Variants in COBL observed in about 807,000 individuals in gnomAD.
COBL encodes cordon-bleu WH2 repeat protein, also known as protein cordon-bleu.
A neutral mutation model predicts 98.8 loss-of-function variants in COBL; 51 were observed. The ratio of observed to expected loss-of-function variants is 0.52; its 90% CI spans 0.41 to 0.65. The LOEUF (loss-of-function observed/expected upper bound fraction) is 0.65. COBL is among the 30% of genes least tolerant of loss of function. The probability of loss-of-function intolerance (pLI) is 0.00; values close to 1 mark genes in which losing one functional copy is unlikely to be tolerated. For missense variants in COBL, 1,617 were observed against 1,617.5 expected (o/e 1.00, Z 0.01); for synonymous variants, 634 against 651.7 (o/e 0.97, Z 0.41).
intron 1 of COBL, among the ~76,000 whole-genome samples, chr7:51,298,534 G>A (rs1801624315): frequency 6.6e-6 from 1 of 152,192 alleles, no homozygotes; most frequent in South Asian, 2.1e-4. Flanking sequence ...CCCCACCCCA[G>A]CAACAAAGCA....
At chr7:51,235,418 C>T (rs1047752709) in intron 1 of COBL, among the ~76,000 whole-genome samples, 1 of 152,192 alleles carries the variant, frequency 6.6e-6, no homozygotes, top group Admixed American at 6.5e-5. Context: ...CCCTGCATCT[C>T]TTCCTACGTC....
At chr7:51,272,614 C>G (rs187958000) in intron 1 of COBL, among the ~76,000 whole-genome samples, 1 of 152,276 alleles carries the variant, frequency 6.6e-6, no homozygotes, top group East Asian at 1.9e-4. Flanking sequence ...CATGGCTCTT[C>G]AAGTTCCAAT....
chr7:51,064,237 A>G (rs1791668947), intron 7 of COBL, among the ~76,000 whole-genome samples: 1 of 151,786 alleles, frequency 6.6e-6, no homozygotes, highest in South Asian at 2.1e-4. Context: ...AAGTGAGCTG[A>G]CACAACCCCT....
At chr7:51,237,127 A>C (rs1241928368) in intron 1 of COBL, among the ~76,000 whole-genome samples, 5 of 152,236 alleles carry the variant, frequency 3.3e-5, no homozygotes, top group Admixed American at 2.6e-4. Context: ...GGCCCAAGGA[A>C]GTCCTCAATG....
intron 1 of COBL, among the ~76,000 whole-genome samples, chr7:51,306,028 G>A (rs1361105313): frequency 6.6e-6 from 1 of 152,042 alleles, no homozygotes; most frequent in East Asian, 1.9e-4. Flanking sequence ...AGAGCAGCAA[G>A]ACTCTGTCTT....
At chr7:51,109,870 T>C (rs758622153) in intron 6 of COBL, among the ~76,000 whole-genome samples, 1 of 152,102 alleles carries the variant, frequency 6.6e-6, no homozygotes, top group Non-Finnish European at 1.5e-5. Flanking sequence ...TGGCTGAGGA[T>C]GGAGCGCTGA....
At position 51,293,606 on chromosome 7, in the gene COBL, G is replaced by GT. The variant is rs927163788; in HGVS notation, c.41+22986dup. Among the ~76,000 whole-genome samples, 13 of 152,302 alleles carry GT rather than the reference G, an allele frequency of 8.5e-5. No individual in the cohort carries two copies. The East Asian group carries it at 2.5e-3, about 29-fold the overall frequency. On this transcript the variant is annotated intron_variant, in intron 1 of 12. Coordinates refer to ENST00000265136, the MANE Select transcript of COBL (RefSeq NM_015198.5). ...GAAAAACTTCTGTATCTCAACTGTG[G>GT]TAACAGTTTCAAGGGTGTCACACAC...
chr7:51,218,467 C>T (rs1793306326), intron 2 of COBL, among the ~76,000 whole-genome samples: 1 of 152,162 alleles, frequency 6.6e-6, no homozygotes, highest in Admixed American at 6.5e-5. Flanking sequence ...AAGAATAAAA[C>T]ATTTTATATC....
intron 1 of COBL, among the ~76,000 whole-genome samples, chr7:51,221,321 A>C (rs1352040724): frequency 1.3e-5 from 2 of 152,186 alleles, no homozygotes; most frequent in Admixed American, 1.3e-4. Context: ...CCTTTCCTAG[A>C]AATTTACTCT....
intron 1 of COBL, among the ~76,000 whole-genome samples, chr7:51,226,910 T>A (rs1373411522): frequency 1.3e-5 from 2 of 152,134 alleles, no homozygotes; most frequent in African/African-American, 2.4e-5. Flanking sequence ...GGTGGCTGAG[T>A]ATCCAACCAG....
Position 51,156,192 on chromosome 7 carries a change from G to GCACACA in COBL, c.784-19867_784-19862dup, listed in dbSNP as rs146159564. The GCACACA allele has an allele frequency of 6.0e-5, 57 of 944,196 alleles. No homozygotes were observed. In the South Asian group the frequency reaches 9.8e-4, roughly 16 times the overall value. 58.5% of individuals were successfully genotyped at this position (944,196 alleles called of 1,614,324 possible). A position where few individuals can be genotyped will look rare whatever the true frequency, so the allele number is the denominator to read the frequency against. On this transcript the variant is annotated intron_variant, in intron 5 of 12. Transcript: ENST00000265136. The stretch of plus-strand genomic sequence containing the variant: ...TTTTGTAGTTCAACCAAAATACTCT[G>GCACACA]CACACACACACACACACACAAAATT...
At chr7:51,026,687 A>C (rs1250015755) in intron 10 of COBL, 22 bp from the exon 11 acceptor site, 6 of 1,607,016 alleles carry the variant, frequency 3.7e-6, no homozygotes, top group Non-Finnish European at 5.1e-6. Flanking sequence ...ACAGTGTCAC[A>C]CATTTCACTG....
chr7:51,209,195 A>G (rs1277701016), intron 2 of COBL, among the ~76,000 whole-genome samples: 1 of 152,166 alleles, frequency 6.6e-6, no homozygotes, highest in Non-Finnish European at 1.5e-5. Context: ...CAATCCTACA[A>G]GAATCCCTAA....
chr7:51,073,372 C>A (rs757874175), intron 7 of COBL: 8 of 694,414 alleles, frequency 1.2e-5, no homozygotes, highest in African/African-American at 3.5e-5. Context: ...TAGGGAATGA[C>A]GCACAGCAAT....
chr7:51,043,207 C>T (rs1326324132), intron 8 of COBL, among the ~76,000 whole-genome samples, 176 bp downstream of exon 8: 2 of 152,206 alleles, frequency 1.3e-5, no homozygotes, highest in Non-Finnish European at 1.5e-5. Context: ...TAAGTTACTG[C>T]AGATGTATAG....
At chr7:51,086,607 A>AGGGGGAGAGAGACAATGAGAGG (rs1794277019) in intron 6 of COBL, among the ~76,000 whole-genome samples, 1 of 146,338 alleles carries the variant, frequency 6.8e-6, no homozygotes, top group East Asian at 2.0e-4. Flanking sequence ...GGAGAGAGAA[A>AGGGGGAGAGAGACAATGAGAGG]GGGGGAGAGA....
chr7:51,112,684 A>G (rs1796944751), intron 6 of COBL, among the ~76,000 whole-genome samples: 1 of 152,210 alleles, frequency 6.6e-6, no homozygotes, highest in African/African-American at 2.4e-5. Context: ...AAGTAAAACT[A>G]GTCTGGCCTT....
chr7:51,033,168 G>A (rs1351675234), intron 8 of COBL: 1 of 152,170 alleles, frequency 6.6e-6, no homozygotes, highest in East Asian at 1.9e-4. Context: ...TGATGAAGAT[G>A]TGATGAATCT....
At chr7:51,311,192 G>A (rs529632572) in intron 1 of COBL, among the ~76,000 whole-genome samples, 1 of 152,170 alleles carries the variant, frequency 6.6e-6, no homozygotes, top group African/African-American at 2.4e-5. Flanking sequence ...GTTTTTAGCT[G>A]GGGGATTACT....
Sources: allele counts gnomAD v4.1 joint callset (sites outside exome capture counted in the v4.1 genomes callset), GRCh38; gene constraint gnomAD v4.1.1; transcripts MANE v1.5; gene names NCBI Gene and HGNC (gene_info 2026-07-23, HGNC 2026-07-21).